COL22A1: variants seen among roughly 807,000 people sequenced by gnomAD.
The protein encoded by COL22A1 is collagen alpha-1(XXII) chain.
COL22A1 carries 221 observed loss-of-function variants against 248.9 expected under a neutral mutation model. The observed-to-expected ratio is 0.89, with a 90% CI of 0.80 to 0.99. The LOEUF is 0.99. COL22A1 is among the 50% of genes least tolerant of loss of function. The pLI is 0.00. For synonymous variants in COL22A1, 891 were observed against 793.4 expected (o/e 1.12, Z -2.07); for missense variants, 2,240 against 2,179.0 (o/e 1.03, Z -0.56).
intron 2 of COL22A1, among the ~76,000 whole-genome samples, chr8:138,882,504 C>T (rs557698703): frequency 3.2e-4 from 48 of 148,734 alleles, no homozygotes; most frequent in African/African-American, 1.1e-3. Context: ...TCACACACTT[C>T]GTCAAACACA....
intron 1 of COL22A1, among the ~76,000 whole-genome samples, chr8:138,908,903 A>G (rs1240790823): frequency 4.6e-5 from 7 of 152,178 alleles, no homozygotes; most frequent in Non-Finnish European, 8.8e-5. Context: ...ACATCCAACA[A>G]TGCACTGGAG....
intron 50 of COL22A1, 80 bp from the exon 51 acceptor site, chr8:138,626,323 T>C (rs1820235850): frequency 1.8e-6 from 2 of 1,131,328 alleles, no homozygotes; most frequent in Non-Finnish European, 2.7e-6. Context: ...AGGAACTGCA[T>C]TCATGGGTTG....
chr8:138,724,507 C>T, intron 25 of COL22A1, 108 bp downstream of exon 25: 1 of 1,075,258 alleles, frequency 9.3e-7, no homozygotes. Context: ...GCCAAGGAGT[C>T]CTCAGCTCTA....
intron 3 of COL22A1, among the ~76,000 whole-genome samples, chr8:138,868,273 G>T (rs1823053064): frequency 6.6e-6 from 1 of 152,124 alleles, no homozygotes; most frequent in South Asian, 2.1e-4. Context: ...TACATCCCGA[G>T]TCAGGGGTTC....
At chr8:138,811,498 TCTCAAACAGCATCTCATTTGA>T (rs1301404041) in intron 9 of COL22A1, among the ~76,000 whole-genome samples, 3 of 152,126 alleles carry the variant, frequency 2.0e-5, no homozygotes, top group Non-Finnish European at 4.4e-5. Flanking sequence ...TGAGTCTTAT[TCTCAAACAGCATCTCATTTGA>T]CTCAGTCACC....
chr8:138,685,146 T>C (rs778318411), intron 38 of COL22A1, 62 bp downstream of exon 38: 35 of 1,189,574 alleles, frequency 2.9e-5, no homozygotes, highest in Non-Finnish European at 3.9e-5. Flanking sequence ...ATTTTTTTCC[T>C]TTTCCTTCTC....
chr8:138,797,005 G>T (rs1816603324), intron 11 of COL22A1, 148 bp from the exon 12 acceptor site: 2 of 690,174 alleles, frequency 2.9e-6, no homozygotes, highest in Non-Finnish European at 5.3e-6. Flanking sequence ...GGTGACTATT[G>T]TTAACTGAGT....
rs376708108 is a variant in COL22A1 at position 138,657,816 on chromosome 8, A to T, written c.3286-1872T>A. 1.5e-3 allele frequency among the ~76,000 whole-genome samples: 227 copies of T among 152,304 alleles called. 1 individual carries two copies. The highest frequency in any genetic ancestry group is 5.2e-3 in the African/African-American group (215 of 41,568). ...TGCATCCTCATCCCTGGTGCTGGTT[A>T]TACAGCCGATAACTGACTGATGGCA... is the stretch of plus-strand genomic sequence containing the variant. On this transcript the variant is annotated intron_variant, in intron 44 of 64. Coordinates refer to ENST00000303045, the MANE Select transcript of COL22A1 (RefSeq NM_152888.3).
At chr8:138,691,299 G>A (rs1019138958) in intron 35 of COL22A1, among the ~76,000 whole-genome samples, 4 of 152,198 alleles carry the variant, frequency 2.6e-5, no homozygotes, top group Admixed American at 6.5e-5. Flanking sequence ...ATGTGTGCAC[G>A]TGCGTGTGTG....
chr8:138,741,082 A>G (rs999166977), intron 22 of COL22A1, among the ~76,000 whole-genome samples: 8 of 152,178 alleles, frequency 5.3e-5, no homozygotes, highest in Admixed American at 3.9e-4. Flanking sequence ...CAAGAGCCCA[A>G]ATGGACTGCT....
chr8:138,748,754 T>C (rs979026926), intron 22 of COL22A1, among the ~76,000 whole-genome samples: 2 of 152,214 alleles, frequency 1.3e-5, no homozygotes, highest in Admixed American at 1.3e-4. Context: ...CAAGCACCAT[T>C]GCATGGGTGG....
Position 138,688,927 on chromosome 8 carries a change from C to A in COL22A1, c.2852G>T (p.Arg951Leu). The change falls in exon 37 of 65, where the codon CGT (arginine) becomes CTT (leucine). Residue 951 changes from arginine to leucine, a missense_variant. Arg to Leu is a moderately radical substitution (Grantham distance 102, BLOSUM62 -2). Transcript: ENST00000303045. ...TCATATTGGTCTTACCTTCTCACCA[C>A]GCTCCCCATCTTTCCCTGGGGTGCC... is the stretch of plus-strand genomic sequence containing the variant. ...LRGTPGKDGE[R>L]GEKGAAGEEG... 6.2e-7 allele frequency: 1 copy of A among 1,613,120 alleles called. No individual in the cohort carries two copies. Among genetic ancestry groups the A allele is most frequent in the Non-Finnish European group, 8.5e-7 (1 of 1,179,144 alleles).
chr8:138,696,388 G>A (rs1363111926), intron 32 of COL22A1, among the ~76,000 whole-genome samples: 1 of 152,206 alleles, frequency 6.6e-6, no homozygotes, highest in African/African-American at 2.4e-5. Flanking sequence ...TAGAGAGCAG[G>A]AGATGAAGGG....
chr8:138,690,779 TTGGTGGC>T (rs1178517974), intron 36 of COL22A1, 35 bp downstream of exon 36: 8 of 1,542,122 alleles, frequency 5.2e-6, no homozygotes, highest in Non-Finnish European at 6.2e-6. Context: ...ATTAACTAGC[TTGGTGGC>T]TGGGCCGTGC....
chr8:138,788,627 G>T (rs533308032), intron 12 of COL22A1, among the ~76,000 whole-genome samples: 3 of 152,284 alleles, frequency 2.0e-5, no homozygotes, highest in Non-Finnish European at 4.4e-5. Flanking sequence ...GGTTTTAGGA[G>T]TTACAGAAGT....
chr8:138,607,188 C>T (rs559131627), intron 57 of COL22A1, among the ~76,000 whole-genome samples: 11 of 152,222 alleles, frequency 7.2e-5, no homozygotes, highest in Non-Finnish European at 1.2e-4. Flanking sequence ...AGCTGGTCAC[C>T]GCAGTATCCG....
chr8:138,629,070 C>T (rs1321012620), intron 50 of COL22A1, among the ~76,000 whole-genome samples: 1 of 151,968 alleles, frequency 6.6e-6, no homozygotes, highest in Non-Finnish European at 1.5e-5. Flanking sequence ...CTTGGTCTCC[C>T]AAAGTGCTGT....
intron 18 of COL22A1, among the ~76,000 whole-genome samples, chr8:138,756,730 C>G (rs139945154): frequency 6.6e-6 from 1 of 152,030 alleles, no homozygotes; most frequent in African/African-American, 2.4e-5. Context: ...TCAAGACACA[C>G]GCTCACTGCC....
chr8:138,701,449 C>CTA (rs1458837102), intron 31 of COL22A1, among the ~76,000 whole-genome samples: 1 of 152,158 alleles, frequency 6.6e-6, no homozygotes, highest in Non-Finnish European at 1.5e-5. Context: ...AAGTAGCTTC[C>CTA]TATATCTTGC....
Sources: allele counts gnomAD v4.1 joint callset (sites outside exome capture counted in the v4.1 genomes callset), GRCh38; gene constraint gnomAD v4.1.1; transcripts MANE v1.5; gene names NCBI Gene and HGNC (gene_info 2026-07-23, HGNC 2026-07-21).